PCDHGB5: variants seen among roughly 807,000 people sequenced by gnomAD.
The protein encoded by PCDHGB5 is protocadherin gamma subfamily B, 5.
In PCDHGB5, 48 loss-of-function variants were observed where a neutral mutation model predicts 62.9. The observed-to-expected ratio is 0.76, with a 90% CI of 0.61 to 0.97. The LOEUF is 0.97. Ranked by LOEUF, PCDHGB5 falls within the 50% of genes least tolerant of loss-of-function variation. PCDHGB5 has a pLI of 0.00. For synonymous variants in PCDHGB5, 474 were observed against 511.2 expected (o/e 0.93, Z 0.98); for missense variants, 1,118 against 1,198.6 (o/e 0.93, Z 0.99).
chr5:141,446,455 T>G (rs1347586383), intron 1 of PCDHGB5, among the ~76,000 whole-genome samples: 1 of 151,858 alleles, frequency 6.6e-6, no homozygotes, highest in Non-Finnish European at 1.5e-5. Context: ...AGATATTCAG[T>G]GTGTGATTAG....
At position 141,477,781 on chromosome 5, in the gene PCDHGB5, A is replaced by G; in HGVS notation, c.2398-17026A>G. 6.2e-7 allele frequency: 1 copy of G among 1,614,036 alleles called. No homozygotes were observed. Among genetic ancestry groups the G allele is most frequent in the South Asian group, 1.1e-5 (1 of 91,090 alleles). Reference sequence around the variant, plus strand: ...TAGCCACCAACATCAGCGTGAACATATTTGTCACTGATCGCAATGACAATG... The same window carrying G: ...TAGCCACCAACATCAGCGTGAACATGTTTGTCACTGATCGCAATGACAATG... On this transcript the variant is annotated intron_variant, in intron 1 of 3. Coordinates refer to ENST00000617380, the MANE Select transcript of PCDHGB5 (RefSeq NM_018925.3). The surrounding 1 kb of genome is among the most constrained non-coding windows in gnomAD (Gnocchi z 4.9).
intron 2 of PCDHGB5, among the ~76,000 whole-genome samples, chr5:141,497,879 G>T (rs62379207): frequency 2.0e-5 from 3 of 152,128 alleles, no homozygotes; most frequent in Admixed American, 6.5e-5. Flanking sequence ...TGAAATAAGC[G>T]TTAGGATCTA....
At chr5:141,426,764 T>C (rs1285434687) in intron 1 of PCDHGB5, 5 of 456,638 alleles carry the variant, frequency 1.1e-5, no homozygotes, top group Non-Finnish European at 2.2e-5. Flanking sequence ...TAGATGCAGA[T>C]GTAGGGCCTC....
At position 141,405,389 on chromosome 5, in the gene PCDHGB5, T is replaced by C. The variant is rs577174600; in HGVS notation, c.2397+4865T>C. ...CCCTTTGGTTCCGGTGAGTTCATTT[T>C]TTTTCTTTCTTTCTTTTCTTTTTTT... On this transcript the variant is annotated intron_variant, in intron 1 of 3. Transcript: ENST00000617380. The C allele has an allele frequency of 2.5e-6, 4 of 1,600,534 alleles. No individual in the cohort carries two copies. The East Asian group carries it at 6.7e-5, about 27-fold the overall frequency.
chr5:141,413,211 G>A, intron 1 of PCDHGB5: 1 of 1,613,214 alleles, frequency 6.2e-7, no homozygotes, highest in South Asian at 1.1e-5. Context: ...AGGAATCAAA[G>A]GATTGCAGCG....
At chr5:141,488,139 T>C (rs906194527) in intron 1 of PCDHGB5, among the ~76,000 whole-genome samples, 2 of 152,084 alleles carry the variant, frequency 1.3e-5, no homozygotes, top group Non-Finnish European at 2.9e-5. Context: ...AGGAGAGAAC[T>C]AAAGGAATAG....
chr5:141,497,775 A>G (rs2099779384), intron 2 of PCDHGB5, among the ~76,000 whole-genome samples: 2 of 152,054 alleles, frequency 1.3e-5, no homozygotes, highest in South Asian at 4.2e-4. Context: ...CCCGACCTCA[A>G]CTGATCCACC....
At chr5:141,451,185 T>C (rs900513875) in intron 1 of PCDHGB5, among the ~76,000 whole-genome samples, 1 of 152,182 alleles carries the variant, frequency 6.6e-6, no homozygotes, top group Non-Finnish European at 1.5e-5. Context: ...GCCATTGCTG[T>C]GTAACAAATT....
chr5:141,505,528 C>T (rs746609783), intron 3 of PCDHGB5, 47 bp downstream of exon 3: 4 of 1,612,320 alleles, frequency 2.5e-6, no homozygotes, highest in Non-Finnish European at 3.4e-6. Context: ...ACCTGGGGTT[C>T]TGGGGTGCAT....
intron 2 of PCDHGB5, among the ~76,000 whole-genome samples, chr5:141,502,857 ACT>A (rs1332453483): frequency 7.7e-5 from 7 of 91,446 alleles, no homozygotes; most frequent in African/African-American, 4.1e-4. Flanking sequence ...CCTAACCCTG[ACT>A]CTCTGTCTTT....
In PCDHGB5 at chr5:141,459,848, C is replaced by T. The variant is rs573481876; in HGVS notation, c.2398-34959C>T. Among the ~76,000 whole-genome samples the T allele has an allele frequency of 1.1e-4, 16 of 152,244 alleles. No homozygotes were observed. In the South Asian group the frequency reaches 2.5e-3, roughly 24 times the overall value. ...TTTCATGTGTTGTCTATTTGTATATCTTCTTGAAGCATTCGTTCATCTTTA... is the reference window on the plus strand; with the variant it reads ...TTTCATGTGTTGTCTATTTGTATATTTTCTTGAAGCATTCGTTCATCTTTA... On this transcript the variant is annotated intron_variant, in intron 1 of 3. Transcript: ENST00000617380.
At position 141,486,169 on chromosome 5, in the gene PCDHGB5, A is replaced by G. The variant is rs2099625537; in HGVS notation, c.2398-8638A>G. The G allele has an allele frequency of 1.2e-6, 2 of 1,614,088 alleles. No individual in the cohort carries two copies. Among genetic ancestry groups the G allele is most frequent in the East Asian group, 2.2e-5 (1 of 44,890 alleles). On this transcript the variant is annotated intron_variant, in intron 1 of 3. Transcript: ENST00000617380. The surrounding 1 kb of genome is among the most constrained non-coding windows in gnomAD (Gnocchi z 5.0). ...ATGGGGGTTCTCCAGCCATGGAGCA[A>G]CATTGCAGCCTTCGAGTGGATCTGC...
At chr5:141,403,704 T>C (rs1207597755) in intron 1 of PCDHGB5, 2 of 1,613,846 alleles carry the variant, frequency 1.2e-6, no homozygotes, top group East Asian at 4.5e-5. Context: ...CGAGTTAAAG[T>C]CCTTGAGAAC....
intron 1 of PCDHGB5, chr5:141,415,388 G>C (rs752789407): frequency 6.2e-7 from 1 of 1,614,236 alleles, no homozygotes; most frequent in East Asian, 2.2e-5. Flanking sequence ...GGCTTGACAG[G>C]TGTGTCCGGC....
chr5:141,413,446 G>A, intron 1 of PCDHGB5: 1 of 1,614,130 alleles, frequency 6.2e-7, no homozygotes. Context: ...CTTGATCACC[G>A]CGGGCAGGAT....
At chr5:141,495,007 G>A in intron 2 of PCDHGB5, 142 bp downstream of exon 2, 4 of 1,522,158 alleles carry the variant, frequency 2.6e-6, no homozygotes, top group Non-Finnish European at 3.5e-6. Context: ...TTGGTGTGCG[G>A]GGGGCTGGCA....
chr5:141,501,831 C>G (rs1246452764), intron 2 of PCDHGB5, among the ~76,000 whole-genome samples: 1 of 152,176 alleles, frequency 6.6e-6, no homozygotes, highest in African/African-American at 2.4e-5. Context: ...GCCCACCCAC[C>G]TGTTTGGCCC....
rs2099399818 is a variant in PCDHGB5, at chr5:141,476,845, C to G, written c.2398-17962C>G. 6.2e-7 allele frequency: 1 copy of G among 1,613,794 alleles called. No individual in the cohort carries two copies. Among genetic ancestry groups the G allele is most frequent in the African/African-American group, 1.3e-5 (1 of 75,078 alleles). ...TGGACGCGAATGACAATGCGCCTGTCTTCAACCAGTCCTTGTACCGGGCGC... is the reference window on the plus strand; with the variant it reads ...TGGACGCGAATGACAATGCGCCTGTGTTCAACCAGTCCTTGTACCGGGCGC... On this transcript the variant is annotated intron_variant, in intron 1 of 3. Transcript: ENST00000617380. This position sits in a 1 kb window ranked among gnomAD's most constrained non-coding sequence, Gnocchi z 7.6.
At chr5:141,414,557 A>T (rs749209012) in intron 1 of PCDHGB5, 25 of 1,613,906 alleles carry the variant, frequency 1.5e-5, no homozygotes, top group Non-Finnish European at 2.0e-5. Flanking sequence ...CAAGTCTCCT[A>T]CTTTACCTAT....
Sources: allele counts gnomAD v4.1 joint callset (sites outside exome capture counted in the v4.1 genomes callset), GRCh38; gene constraint gnomAD v4.1.1; non-coding constraint Gnocchi (gnomAD v3.1); transcripts MANE v1.5; gene names NCBI Gene and HGNC (gene_info 2026-07-23, HGNC 2026-07-21).